The following SPIDR variants were observed in gnomAD, a reference collection of about 807,000 sequenced individuals.
SPIDR encodes the protein scaffold protein involved in DNA repair.
In SPIDR, 93 loss-of-function variants were observed where a neutral mutation model predicts 104.6. That is an observed-to-expected ratio of 0.89 (90% CI 0.75 to 1.06). The LOEUF is 1.06. Among genes scored for constraint, SPIDR ranks in the 50% least tolerant of loss-of-function variants. The pLI is 0.00. For missense variants in SPIDR, 1,154 were observed against 1,111.2 expected, an observed-to-expected ratio of 1.04 and a Z score of -0.55; for synonymous variants, 431 against 416.9, an observed-to-expected ratio of 1.03 and a Z score of -0.41.
intron 8 of SPIDR, among the ~76,000 whole-genome samples, chr8:47,583,959 T>A (rs1741419563): frequency 6.6e-6 from 1 of 152,196 alleles, no homozygotes. Context: ...CTGGACTGGA[T>A]TCCCAGTCCC....
intron 5 of SPIDR, among the ~76,000 whole-genome samples, chr8:47,379,721 A>T (rs1409565597): frequency 2.6e-5 from 4 of 152,184 alleles, no homozygotes; most frequent in Non-Finnish European, 5.9e-5. Context: ...TCTGGGGCCT[A>T]TGACAAGGCC....
chr8:47,486,614 C>T (rs956310830), intron 8 of SPIDR, among the ~76,000 whole-genome samples: 2 of 152,162 alleles, frequency 1.3e-5, no homozygotes, highest in African/African-American at 4.8e-5. Flanking sequence ...GGTCGGGTTA[C>T]CCACAAAGGG....
intron 8 of SPIDR, among the ~76,000 whole-genome samples, chr8:47,456,072 G>A (rs567588396): frequency 6.1e-4 from 93 of 152,232 alleles, no homozygotes; most frequent in African/African-American, 1.9e-3. Flanking sequence ...TACATTGTCT[G>A]GGTTAGACCA....
intron 8 of SPIDR, among the ~76,000 whole-genome samples, chr8:47,474,250 G>T (rs543881119): frequency 6.6e-6 from 1 of 152,300 alleles, no homozygotes; most frequent in East Asian, 1.9e-4. Flanking sequence ...GTGGAGTATA[G>T]TTCTCATAAA....
chr8:47,576,644 G>A (rs1022589158), intron 8 of SPIDR, among the ~76,000 whole-genome samples: 1 of 151,756 alleles, frequency 6.6e-6, no homozygotes, highest in East Asian at 1.9e-4. Flanking sequence ...ATGTTGACCA[G>A]GCCGGTCTCA....
rs182786968 is a variant in SPIDR, at chr8:47,371,170, A to C, written c.526-25206A>C. 2.3e-4 allele frequency among the ~76,000 whole-genome samples: 35 copies of C among 151,386 alleles called. No individual in the cohort carries two copies. In the East Asian group the frequency reaches 5.1e-3, roughly 22 times the overall value. On this transcript the variant is annotated intron_variant, in intron 5 of 19. Coordinates refer to ENST00000297423, the MANE Select transcript of SPIDR (RefSeq NM_001080394.4). ...TAAGGAAAAAAAAAAGAAAACCATT[A>C]AAGTATAGATGCCACTACATGAAAC...
rs910383368 is a variant in SPIDR at position 47,719,060 on chromosome 8, T to C, written c.2341+5419T>C. ...TGGGTACTGGGGGAGGTGGCCTGCA[T>C]GGCACAGAGACAGCACTAAACACAG... On this transcript the variant is annotated intron_variant, in intron 16 of 19. Coordinates refer to ENST00000297423, the MANE Select transcript of SPIDR (RefSeq NM_001080394.4). Among the ~76,000 whole-genome samples, 11 of 152,060 alleles carry C rather than the reference T, an allele frequency of 7.2e-5. 1 individual carries two copies. Among genetic ancestry groups the C allele is most frequent in the African/African-American group, 2.7e-4 (11 of 41,382 alleles).
intron 14 of SPIDR, among the ~76,000 whole-genome samples, chr8:47,709,618 GTAGTAC>G (rs1176072219): frequency 5.9e-5 from 9 of 152,198 alleles, no homozygotes; most frequent in Non-Finnish European, 1.0e-4. Flanking sequence ...CAATGTAGTG[GTAGTAC>G]TAGTACTGCT....
intron 8 of SPIDR, among the ~76,000 whole-genome samples, chr8:47,522,160 G>T (rs953071583): frequency 1.4e-5 from 2 of 147,082 alleles, no homozygotes; most frequent in African/African-American, 5.0e-5. Context: ...CGACAAGAGC[G>T]AGAGTCTGTC....
At chr8:47,320,172 A>G (rs2046271894) in intron 5 of SPIDR, among the ~76,000 whole-genome samples, 1 of 152,234 alleles carries the variant, frequency 6.6e-6, no homozygotes, top group South Asian at 2.1e-4. Context: ...GGTCTTTTGA[A>G]AAGATCAACA....
chr8:47,461,213 T>G (rs1554713296), intron 8 of SPIDR, among the ~76,000 whole-genome samples: 2 of 152,204 alleles, frequency 1.3e-5, no homozygotes, highest in Non-Finnish European at 2.9e-5. Flanking sequence ...CCAGGGAAGT[T>G]TTTCTCAATT....
intron 10 of SPIDR, among the ~76,000 whole-genome samples, chr8:47,658,160 T>C (rs1245332255): frequency 6.6e-6 from 1 of 152,092 alleles, no homozygotes; most frequent in East Asian, 1.9e-4. Flanking sequence ...GGCTTACACC[T>C]GTAATCCCAG....
At chr8:47,379,202 A>C (rs957078658) in intron 5 of SPIDR, among the ~76,000 whole-genome samples, 1 of 152,212 alleles carries the variant, frequency 6.6e-6, no homozygotes, top group Non-Finnish European at 1.5e-5. Flanking sequence ...GGCTTTCCAC[A>C]GGAATGCCTG....
chr8:47,511,914 A>T, intron 8 of SPIDR: 1 of 795,394 alleles, frequency 1.3e-6, no homozygotes, highest in Non-Finnish European at 2.3e-6. Flanking sequence ...CATGAGTGAG[A>T]TCTCTAAAGG....
intron 8 of SPIDR, among the ~76,000 whole-genome samples, chr8:47,575,518 G>C (rs986230288): frequency 2.6e-5 from 4 of 151,348 alleles, no homozygotes; most frequent in African/African-American, 4.9e-5. Flanking sequence ...GTGGTAGTGG[G>C]CGCCTGTAGT....
At chr8:47,728,292 G>T (rs554206315) in intron 17 of SPIDR, among the ~76,000 whole-genome samples, 1 of 151,832 alleles carries the variant, frequency 6.6e-6, no homozygotes, top group African/African-American at 2.4e-5. Context: ...AAAATTAGCC[G>T]GGCATGGTGG....
chr8:47,386,876 G>A (rs2059963728), intron 5 of SPIDR, among the ~76,000 whole-genome samples: 1 of 100,746 alleles, frequency 9.9e-6, no homozygotes, highest in Admixed American at 1.2e-4. Context: ...GGGGGACGAG[G>A]GGAGAGAGAG....
Position 47,700,317 on chromosome 8 carries a change from G to A in SPIDR, c.1686-86G>A, listed in dbSNP as rs140078235. On this transcript the variant is annotated intron_variant, in intron 11 of 19. Coordinates refer to ENST00000297423, the MANE Select transcript of SPIDR (RefSeq NM_001080394.4). The stretch of plus-strand genomic sequence containing the variant: ...TAGTTCCATGGCCTTAGGCATTAGA[G>A]TCTGTTAAGCATTCTACCAGCTCAC... 12,034 of 1,344,794 alleles carry A rather than the reference G, an allele frequency of 8.9e-3. 59 individuals are homozygous for A. The highest frequency in any genetic ancestry group is 0.011 in the Non-Finnish European group (9,908 of 934,630). The allele number at this position is 1,344,794 out of a possible 1,614,324, so 83.3% of individuals were successfully genotyped here. A position where few individuals can be genotyped will look rare whatever the true frequency, so the allele number is the denominator to read the frequency against.
intron 5 of SPIDR, among the ~76,000 whole-genome samples, chr8:47,361,568 C>T (rs898398234): frequency 2.0e-5 from 3 of 152,254 alleles, no homozygotes; most frequent in Non-Finnish European, 2.9e-5. Flanking sequence ...CCACTGACTA[C>T]AGCAGCTGGG....
Sources: allele counts gnomAD v4.1 joint callset (sites outside exome capture counted in the v4.1 genomes callset), GRCh38; gene constraint gnomAD v4.1.1; transcripts MANE v1.5; gene names NCBI Gene and HGNC (gene_info 2026-07-23, HGNC 2026-07-21).